Variants in RAB3B observed in about 807,000 individuals in gnomAD.
RAB3B encodes the protein ras-related protein Rab-3B.
A neutral mutation model predicts 20.5 loss-of-function variants in RAB3B; 11 were observed. The ratio of observed to expected loss-of-function variants is 0.54; its 90% confidence interval spans 0.34 to 0.89. The LOEUF (loss-of-function observed/expected upper bound fraction) is 0.89, where lower values mean the gene tolerates loss of function less well. Ranked by LOEUF, RAB3B falls within the 40% of genes least tolerant of loss-of-function variation. The pLI, the probability that RAB3B is intolerant of heterozygous loss-of-function variation, is 0.02. For synonymous variants in RAB3B, 99 were observed against 106.3 expected (o/e 0.93, Z 0.42); for missense variants, 225 against 280.9 (o/e 0.80, Z 1.42).
intron 2 of RAB3B, among the ~76,000 whole-genome samples, chr1:51,953,952 A>G (rs1042895156): frequency 6.6e-5 from 10 of 152,282 alleles, no homozygotes; most frequent in African/African-American, 2.4e-4. Flanking sequence ...CAGTGTTCAC[A>G]AAGGTAAAGT....
chr1:51,954,006 T>A (rs990218505), intron 2 of RAB3B, among the ~76,000 whole-genome samples: 1 of 152,076 alleles, frequency 6.6e-6, no homozygotes, highest in Admixed American at 6.5e-5. Flanking sequence ...AAGGAAATCA[T>A]CTGAAACCTA....
chr1:51,983,199 A>G (rs1476288827), intron 1 of RAB3B, among the ~76,000 whole-genome samples: 1 of 151,824 alleles, frequency 6.6e-6, no homozygotes, highest in East Asian at 1.9e-4. Context: ...ATTAAAATAC[A>G]AAAAATTAGC....
chr1:51,954,032 A>C (rs1684674602), intron 2 of RAB3B, among the ~76,000 whole-genome samples: 3 of 152,182 alleles, frequency 2.0e-5, no homozygotes. Flanking sequence ...AGTTTTACAC[A>C]CAGGGATAAT....
At chr1:51,987,071 C>G (rs1000510711) in intron 1 of RAB3B, among the ~76,000 whole-genome samples, 3 of 152,162 alleles carry the variant, frequency 2.0e-5, no homozygotes, top group African/African-American at 7.2e-5. Context: ...CTGTCCCAGG[C>G]TGGGGGAAAG....
chr1:51,978,541 A>G (rs1685039941), intron 1 of RAB3B, among the ~76,000 whole-genome samples: 1 of 152,184 alleles, frequency 6.6e-6, no homozygotes, highest in African/African-American at 2.4e-5. Context: ...TTCTGTCACC[A>G]TCTGCTTTCC....
intron 2 of RAB3B, among the ~76,000 whole-genome samples, chr1:51,958,175 T>A (rs987993096): frequency 6.6e-6 from 1 of 152,168 alleles, no homozygotes; most frequent in South Asian, 2.1e-4. Flanking sequence ...GGTGTCACTT[T>A]TTATATGCAG....
intron 2 of RAB3B, among the ~76,000 whole-genome samples, chr1:51,957,345 T>C (rs1450461995): frequency 6.6e-6 from 1 of 152,246 alleles, no homozygotes; most frequent in Non-Finnish European, 1.5e-5. Flanking sequence ...ACCCTCATTC[T>C]CATCCTCCCC....
At chr1:51,925,551 G>T (rs1428084409) in intron 4 of RAB3B, among the ~76,000 whole-genome samples, 1 of 152,276 alleles carries the variant, frequency 6.6e-6, no homozygotes, top group East Asian at 1.9e-4. Context: ...TCATCTTCCT[G>T]GCTCACACTA....
chr1:51,954,879 AG>A (rs1331828473), intron 2 of RAB3B, among the ~76,000 whole-genome samples: 1 of 152,212 alleles, frequency 6.6e-6, no homozygotes, highest in Non-Finnish European at 1.5e-5. Flanking sequence ...TAGACAGGAG[AG>A]GAAGTAGGAA....
chr1:51,944,741 G>A (rs2124267569), intron 2 of RAB3B, among the ~76,000 whole-genome samples: 1 of 152,286 alleles, frequency 6.6e-6, no homozygotes, highest in Middle Eastern at 3.4e-3. Context: ...AACTTGAACG[G>A]ATGCAGTTGC....
intron 2 of RAB3B, among the ~76,000 whole-genome samples, chr1:51,976,546 C>A (rs1011524264): frequency 1.3e-5 from 2 of 152,134 alleles, no homozygotes; most frequent in Non-Finnish European, 2.9e-5. Context: ...AGAAAGGGTG[C>A]CCCAGAGAAG....
rs1035856205 is a variant in RAB3B, at chr1:51,912,109, T to C, written c.*7818A>G. On this transcript the variant is annotated 3_prime_UTR_variant, in exon 5 of 5. Transcript: ENST00000371655. ...TTCTTTCCTTTTCTTCTTTTTTTTC[T>C]TTCTTTCTTTCTTTTTTTTTTTTTT... 1 of 148,760 alleles carries C rather than the reference T, an allele frequency of 6.7e-6. No individual in the cohort carries two copies. The highest frequency in any genetic ancestry group is 1.5e-5 in the Non-Finnish European group (1 of 67,834). The allele number at this position is 148,760 out of a possible 1,614,324, so 9.2% of individuals were successfully genotyped here.
chr1:51,966,058 T>G (rs1243549950), intron 2 of RAB3B, among the ~76,000 whole-genome samples: 1 of 152,246 alleles, frequency 6.6e-6, no homozygotes, highest in African/African-American at 2.4e-5. Flanking sequence ...CCTTCTCCTC[T>G]GCTTCACTGA....
In RAB3B at chr1:51,911,529, C is replaced by CA. The variant is rs781768727; in HGVS notation, c.*8397dup. On this transcript the variant is annotated 3_prime_UTR_variant, in exon 5 of 5. Transcript: ENST00000371655. ...AAGAACCTAACTCCAACAAGCAAAG[C>CA]AAAGGGGGGTTTTATTAGAAAGATA... is the stretch of plus-strand genomic sequence containing the variant. The CA allele has an allele frequency of 3.9e-5, 6 of 152,050 alleles. No individual in the cohort carries two copies. The highest frequency in any genetic ancestry group is 8.8e-5 in the Non-Finnish European group (6 of 68,010). The allele number at this position is 152,050 out of a possible 1,614,324, so 9.4% of individuals were successfully genotyped here.
chr1:51,987,163 C>G (rs1386827864), intron 1 of RAB3B, among the ~76,000 whole-genome samples: 3 of 152,120 alleles, frequency 2.0e-5, no homozygotes, highest in Non-Finnish European at 4.4e-5. Context: ...AGGAAGAAGC[C>G]AACTTCAGCC....
At chr1:51,983,992 C>T (rs563360160) in intron 1 of RAB3B, among the ~76,000 whole-genome samples, 3 of 151,544 alleles carry the variant, frequency 2.0e-5, no homozygotes, top group East Asian at 1.9e-4. Context: ...GGGCTGGGCG[C>T]GGTGGCTCAT....
intron 2 of RAB3B, among the ~76,000 whole-genome samples, chr1:51,971,388 A>C (rs1478963441): frequency 6.6e-6 from 1 of 151,774 alleles, no homozygotes; most frequent in Non-Finnish European, 1.5e-5. Context: ...AACCTCAAAT[A>C]GTACCTAATC....
Position 51,967,203 on chromosome 1 carries a change from T to C in RAB3B, c.228+9687A>G, listed in dbSNP as rs200647006. On this transcript the variant is annotated intron_variant, in intron 2 of 4. Transcript: ENST00000371655. ...TGGTACATGCCTGTAATCCCAGCTA[T>C]TCGGGAGGCTGAGGCAGGAGAATCG... 2.8e-4 allele frequency among the ~76,000 whole-genome samples: 42 copies of C among 152,030 alleles called. No homozygotes were observed. In the East Asian group the frequency reaches 7.9e-3, roughly 29 times the overall value.
rs1001660988 is a variant in RAB3B, at chr1:51,909,504, G to T, written c.*10423C>A. The T allele has an allele frequency of 4.6e-5, 7 of 152,030 alleles. No individual in the cohort carries two copies. The highest frequency in any genetic ancestry group is 8.8e-5 in the Non-Finnish European group (6 of 67,988). The allele number at this position is 152,030 out of a possible 1,614,324, so 9.4% of individuals were successfully genotyped here. ...CTGGAATCCTGGTTTTCTGAATGTC[G>T]GAGGGCACCTCTAACAAAGGCTCTG... On this transcript the variant is annotated 3_prime_UTR_variant, in exon 5 of 5. Coordinates refer to ENST00000371655, the MANE Select transcript of RAB3B (RefSeq NM_002867.4).
Sources: gnomAD v4.1 joint callset for allele counts (sites outside exome capture counted in the v4.1 genomes callset) on GRCh38, gnomAD v4.1.1 for gene constraint, MANE v1.5 for transcripts, NCBI Gene and HGNC (gene_info 2026-07-23, HGNC 2026-07-21) for gene names.